The following CNTNAP2 variants were observed in gnomAD, a reference collection of about 807,000 sequenced individuals.
CNTNAP2 encodes the protein contactin associated protein 2, also known as contactin-associated protein-like 2.
Under a neutral mutation model 155.2 loss-of-function variants are expected in CNTNAP2, and 98 were observed. That is an observed-to-expected ratio of 0.63 (90% CI 0.54 to 0.75). The LOEUF (loss-of-function observed/expected upper bound fraction) is 0.75. Among genes scored for constraint, CNTNAP2 ranks in the 30% least tolerant of loss-of-function variants. CNTNAP2 has a pLI of 0.00. For missense variants in CNTNAP2, 1,727 were observed against 1,688.1 expected (o/e 1.02, Z -0.40); for synonymous variants, 651 against 631.2 (o/e 1.03, Z -0.47).
At chr7:147,980,372 A>G (rs1316165557) in intron 15 of CNTNAP2, among the ~76,000 whole-genome samples, 1 of 152,218 alleles carries the variant, frequency 6.6e-6, no homozygotes, top group Non-Finnish European at 1.5e-5. Flanking sequence ...ATCAAAATAA[A>G]CTTATTTATT....
chr7:148,351,744 C>CAAAAAAAAAAAAAAAAAAA (rs71188974), intron 21 of CNTNAP2, among the ~76,000 whole-genome samples: 33 of 85,382 alleles, frequency 3.9e-4, no homozygotes, highest in African/African-American at 7.7e-4. Context: ...CTCTGTCTCA[C>CAAAAAAAAAAAAAAAAAAA]AAAAAAAAAA....
intron 9 of CNTNAP2, among the ~76,000 whole-genome samples, chr7:147,346,640 C>A (rs933021157): frequency 6.6e-6 from 1 of 152,162 alleles, no homozygotes; most frequent in African/African-American, 2.4e-5. Flanking sequence ...TGTTCAGATA[C>A]AATTTTTTCA....
At chr7:148,134,705 G>A (rs1804901976) in intron 16 of CNTNAP2, among the ~76,000 whole-genome samples, 1 of 152,152 alleles carries the variant, frequency 6.6e-6, no homozygotes, top group African/African-American at 2.4e-5. Context: ...TAAAGTTACA[G>A]AATAGAGTTG....
At chr7:147,336,262 C>T (rs934324739) in intron 9 of CNTNAP2, among the ~76,000 whole-genome samples, 77 of 152,082 alleles carry the variant, frequency 5.1e-4, no homozygotes, top group African/African-American at 1.7e-3. Flanking sequence ...TTGTTGTTGC[C>T]ATTGTTGTTT....
intron 13 of CNTNAP2, among the ~76,000 whole-genome samples, chr7:147,809,690 G>A (rs1039568954): frequency 6.6e-6 from 1 of 152,158 alleles, no homozygotes; most frequent in Admixed American, 6.5e-5. Flanking sequence ...TCCACAACTA[G>A]CAAGTTTATT....
chr7:146,264,657 A>C (rs1234483703), intron 1 of CNTNAP2, among the ~76,000 whole-genome samples: 1 of 152,172 alleles, frequency 6.6e-6, no homozygotes, highest in Non-Finnish European at 1.5e-5. Context: ...GATGGTAGGG[A>C]AGAAAGCCTG....
At chr7:147,031,449 C>T (rs1274140552) in intron 3 of CNTNAP2, among the ~76,000 whole-genome samples, 1 of 152,120 alleles carries the variant, frequency 6.6e-6, no homozygotes, top group Non-Finnish European at 1.5e-5. Context: ...CTGGAAACAT[C>T]CCAGTATCTA....
intron 17 of CNTNAP2, among the ~76,000 whole-genome samples, chr7:148,160,266 G>T (rs534767897): frequency 6.6e-6 from 1 of 151,326 alleles, no homozygotes; most frequent in Non-Finnish European, 1.5e-5. Context: ...GACTACACTA[G>T]CCAGGCATAA....
intron 3 of CNTNAP2, among the ~76,000 whole-genome samples, chr7:146,851,131 C>G (rs1039700505): frequency 6.6e-6 from 1 of 152,054 alleles, no homozygotes; most frequent in Non-Finnish European, 1.5e-5. Flanking sequence ...ATTACAGGCA[C>G]CTGCCACCAC....
At chr7:146,895,648 T>A (rs920679276) in intron 3 of CNTNAP2, among the ~76,000 whole-genome samples, 1 of 152,146 alleles carries the variant, frequency 6.6e-6, no homozygotes, top group Non-Finnish European at 1.5e-5. Context: ...TGGAAATACA[T>A]AAAAGTATTG....
At chr7:148,189,987 G>A (rs1394346911) in intron 18 of CNTNAP2, 3 of 152,138 alleles carry the variant, frequency 2.0e-5, no homozygotes, top group Non-Finnish European at 2.9e-5. Flanking sequence ...TTCCAAGGAC[G>A]GCTGCCACAA....
chr7:146,761,956 A>G (rs777303469), intron 1 of CNTNAP2, among the ~76,000 whole-genome samples: 1 of 152,170 alleles, frequency 6.6e-6, no homozygotes, highest in Non-Finnish European at 1.5e-5. Flanking sequence ...CAAAATCTAA[A>G]TATATTTAAG....
chr7:146,984,449 T>C (rs1337882101), intron 3 of CNTNAP2, among the ~76,000 whole-genome samples: 1 of 152,140 alleles, frequency 6.6e-6, no homozygotes. Context: ...AGTTTTCACT[T>C]TATTTTTTTT....
chr7:147,279,806 G>C (rs559117441), intron 8 of CNTNAP2, among the ~76,000 whole-genome samples: 1 of 151,976 alleles, frequency 6.6e-6, no homozygotes, highest in African/African-American at 2.4e-5. Flanking sequence ...ATAACTATAT[G>C]ATTCCTGTCT....
At position 147,175,629 on chromosome 7, in the gene CNTNAP2, T is replaced by G. The variant is rs140772575; in HGVS notation, c.1348+43120T>G. On this transcript the variant is annotated intron_variant, in intron 8 of 23. Coordinates refer to ENST00000361727, the MANE Select transcript of CNTNAP2 (RefSeq NM_014141.6). ...ATAACTTCACACATCTATTTAAAGATGGCCCTGAGGTCCACCCACAGCATC... is the reference window on the plus strand; with the variant it reads ...ATAACTTCACACATCTATTTAAAGAGGGCCCTGAGGTCCACCCACAGCATC... Among the ~76,000 whole-genome samples, 374 of 152,294 alleles carry G rather than the reference T, an allele frequency of 2.5e-3. 3 individuals carry two copies. Among genetic ancestry groups the G allele is most frequent in the African/African-American group, 8.5e-3 (354 of 41,572 alleles).
intron 1 of CNTNAP2, among the ~76,000 whole-genome samples, chr7:146,495,698 T>TTTG (rs773045004): frequency 6.6e-6 from 1 of 152,066 alleles, no homozygotes; most frequent in East Asian, 1.9e-4. Context: ...AACCTTAAAT[T>TTTG]TTGTTGTTGT....
chr7:146,561,896 T>C lies in CNTNAP2; in HGVS notation c.98-212375T>C, dbSNP rs1169463958. Among the ~76,000 whole-genome samples the C allele has an allele frequency of 2.0e-5, 3 of 152,088 alleles. No individual in the cohort carries two copies. In the East Asian group the frequency reaches 5.8e-4, roughly 29 times the overall value. ...CATCAACCTCCCCGGGCTCAAGTGATCCTCTCACTTCAGCCTCCTGAGTAG... is the reference window on the plus strand; with the variant it reads ...CATCAACCTCCCCGGGCTCAAGTGACCCTCTCACTTCAGCCTCCTGAGTAG... On this transcript the variant is annotated intron_variant, in intron 1 of 23. Transcript: ENST00000361727.
At chr7:147,606,675 C>T (rs2116869713) in intron 12 of CNTNAP2, among the ~76,000 whole-genome samples, 1 of 152,224 alleles carries the variant, frequency 6.6e-6, no homozygotes, top group Middle Eastern at 3.4e-3. Flanking sequence ...GTGGCTACAA[C>T]AAATATGTTA....
At chr7:146,629,732 G>A (rs1247271337) in intron 1 of CNTNAP2, among the ~76,000 whole-genome samples, 1 of 152,050 alleles carries the variant, frequency 6.6e-6, no homozygotes, top group East Asian at 1.9e-4. Flanking sequence ...TATGTTACAT[G>A]GAAAATCCCA....
Sources: gnomAD v4.1 joint callset for allele counts (sites outside exome capture counted in the v4.1 genomes callset) on GRCh38, gnomAD v4.1.1 for gene constraint, MANE v1.5 for transcripts, NCBI Gene and HGNC (gene_info 2026-07-23, HGNC 2026-07-21) for gene names.